The following TLL2 variants were observed in gnomAD, a reference collection of about 807,000 sequenced individuals.
The protein encoded by TLL2 is tolloid like 2, also known as tolloid-like protein 2.
A neutral mutation model predicts 123.0 loss-of-function variants in TLL2; 106 were observed. The observed-to-expected ratio is 0.86, with a 90% CI of 0.74 to 1.01. The LOEUF (loss-of-function observed/expected upper bound fraction) is 1.01, where lower values mean the gene tolerates loss of function less well. Among genes scored for constraint, TLL2 ranks in the 50% least tolerant of loss-of-function variants. TLL2 has a pLI of 0.00. For missense variants in TLL2, 1,332 were observed against 1,336.7 expected (o/e 1.00, Z 0.06); for synonymous variants, 494 against 516.8 (o/e 0.96, Z 0.60).
At position 96,441,865 on chromosome 10, in the gene TLL2, C is replaced by T. The variant is rs886113309; in HGVS notation, c.364+4226G>A. On this transcript the variant is annotated intron_variant, in intron 3 of 20. Transcript: ENST00000357947. ...TAAGTGATGTTAGGAATTCCAGCGT[C>T]GAGTGCTGTTTTGCACCCAAGTTTG... 5.3e-5 allele frequency among the ~76,000 whole-genome samples: 8 copies of T among 152,334 alleles called. No homozygotes were observed. The South Asian group carries it at 1.7e-3, about 32-fold the overall frequency.
chr10:96,387,300 G>T (rs1460151651), intron 13 of TLL2, among the ~76,000 whole-genome samples: 1 of 152,192 alleles, frequency 6.6e-6, no homozygotes, highest in Non-Finnish European at 1.5e-5. Context: ...TTGTTAGCTG[G>T]GGTAGGCTCT....
Position 96,409,254 on chromosome 10 carries a change from C to T in TLL2, c.1164+1105G>A, listed in dbSNP as rs545736948. Among the ~76,000 whole-genome samples, 5 of 152,286 alleles carry T rather than the reference C, an allele frequency of 3.3e-5. No homozygotes were observed. In the South Asian group the frequency reaches 6.2e-4, roughly 19 times the overall value. ...CCACAGACTGTGTGGAGTGCTGGGGCCCTGGGGCTGAATGATCTCCAACCT... is the reference window on the plus strand; with the variant it reads ...CCACAGACTGTGTGGAGTGCTGGGGTCCTGGGGCTGAATGATCTCCAACCT... On this transcript the variant is annotated intron_variant, in intron 9 of 20. Coordinates refer to ENST00000357947, the MANE Select transcript of TLL2 (RefSeq NM_012465.4).
chr10:96,452,693 G>A (rs1163772942), intron 2 of TLL2, among the ~76,000 whole-genome samples: 1 of 152,216 alleles, frequency 6.6e-6, no homozygotes. Flanking sequence ...TGCTCACAAA[G>A]CCTGCCCTCT....
chr10:96,427,564 T>G (rs1304299908), intron 5 of TLL2, among the ~76,000 whole-genome samples: 1 of 152,218 alleles, frequency 6.6e-6, no homozygotes, highest in South Asian at 2.1e-4. Flanking sequence ...ATACCCTTTC[T>G]CATTATAAAG....
intron 2 of TLL2, among the ~76,000 whole-genome samples, chr10:96,453,694 T>C (rs1268032779): frequency 1.3e-5 from 2 of 152,198 alleles, no homozygotes; most frequent in African/African-American, 4.8e-5. Context: ...AGTGCTCGGA[T>C]TATAAGTCAA....
intron 16 of TLL2, among the ~76,000 whole-genome samples, chr10:96,380,891 CG>C (rs1289428009): frequency 1.4e-5 from 2 of 144,554 alleles, no homozygotes; most frequent in Non-Finnish European, 3.0e-5. Context: ...GCAGGAGAAT[CG>C]CTTGAAGCCA....
intron 3 of TLL2, among the ~76,000 whole-genome samples, chr10:96,440,271 T>C (rs1376268959): frequency 6.6e-6 from 1 of 152,236 alleles, no homozygotes; most frequent in Non-Finnish European, 1.5e-5. Context: ...CACTTTATTC[T>C]CCACACCCTG....
intron 1 of TLL2, among the ~76,000 whole-genome samples, chr10:96,490,001 C>T (rs1177586303): frequency 6.6e-6 from 1 of 151,978 alleles, no homozygotes; most frequent in African/African-American, 2.4e-5. Context: ...GAGGCTGAGG[C>T]AGGAGAATCA....
chr10:96,403,916 G>C (rs1438343474), intron 10 of TLL2, among the ~76,000 whole-genome samples: 2 of 151,106 alleles, frequency 1.3e-5, no homozygotes, highest in African/African-American at 4.9e-5. Context: ...AGATATTTGG[G>C]TGGAGAGAAA....
At chr10:96,506,263 A>AAAAAAC (rs1847577764) in intron 1 of TLL2, among the ~76,000 whole-genome samples, 1 of 114,508 alleles carries the variant, frequency 8.7e-6, no homozygotes. Flanking sequence ...AAAAAAAAAA[A>AAAAAAC]AAGAAAAAAA....
At position 96,390,201 on chromosome 10, in the gene TLL2, G is replaced by A. The variant is rs527331810; in HGVS notation, c.1727-3123C>T. Among the ~76,000 whole-genome samples, 4 of 152,360 alleles carry A rather than the reference G, an allele frequency of 2.6e-5. No homozygotes were observed. The South Asian group carries it at 8.3e-4, about 32-fold the overall frequency. ...GTTAGATGATGAGACGGCTCAGGCA[G>A]GATCCCAAAAATTGTTCAGAGAAAG... is the stretch of plus-strand genomic sequence containing the variant. On this transcript the variant is annotated intron_variant, in intron 13 of 20. Coordinates refer to ENST00000357947, the MANE Select transcript of TLL2 (RefSeq NM_012465.4).
At position 96,405,323 on chromosome 10, in the gene TLL2, G is replaced by A. The variant is rs760138059; in HGVS notation, c.1176C>T (p.Asn392=). The part of the protein sequence containing the change: ...SVTPGEKIVL[N]FTSMDLFKSR... ...TTTTAAACAAATCCATGGATGTGAA[G>A]TTTAATACGATCTGTAAAGAATTAC... Residue 392 remains asparagine, a synonymous_variant, in exon 10 of 21, where the codon AAC becomes AAT. Coordinates refer to ENST00000357947, the MANE Select transcript of TLL2 (RefSeq NM_012465.4). The A allele has an allele frequency of 2.5e-6, 4 of 1,614,136 alleles. No homozygotes were observed. In the South Asian group the frequency reaches 3.3e-5, roughly 13 times the overall value.
At chr10:96,435,649 T>C (rs1846789096) in intron 3 of TLL2, among the ~76,000 whole-genome samples, 1 of 152,196 alleles carries the variant, frequency 6.6e-6, no homozygotes, top group African/African-American at 2.4e-5. Context: ...TGGTGTGAGG[T>C]AGGGCTCCAA....
chr10:96,382,231 A>C (rs1021634210), intron 16 of TLL2, among the ~76,000 whole-genome samples: 1 of 152,176 alleles, frequency 6.6e-6, no homozygotes. Context: ...GGGTTTCACC[A>C]CGTTGGGCAG....
chr10:96,391,112 C>T (rs899664926), intron 13 of TLL2, among the ~76,000 whole-genome samples: 7 of 152,134 alleles, frequency 4.6e-5, no homozygotes, highest in African/African-American at 1.2e-4. Flanking sequence ...AGGCTGTGGT[C>T]GCTCACCCAC....
intron 1 of TLL2, among the ~76,000 whole-genome samples, chr10:96,504,584 A>C (rs1262461004): frequency 3.2e-5 from 4 of 124,504 alleles, no homozygotes. Flanking sequence ...CACACACACA[A>C]AAAGTCTCTG....
Position 96,413,301 on chromosome 10 carries a change from G to T in TLL2, c.939C>A (p.Asp313Glu). 6.2e-7 allele frequency: 1 copy of T among 1,613,860 alleles called. No individual in the cohort carries two copies. Among genetic ancestry groups the T allele is most frequent in the Non-Finnish European group, 8.5e-7 (1 of 1,179,772 alleles). Residue 313 changes from aspartate (D) to glutamate (E), a missense_variant, in exon 8 of 21, where the codon GAC becomes GAA. Coordinates refer to ENST00000357947, the MANE Select transcript of TLL2 (RefSeq NM_012465.4). ...RNTFSRGVFL[D>E]TILPRQDDNG... is the part of the protein sequence containing the mutation. ...TGTCATCTTGACGGGGAAGGATGGT[G>T]TCTAAGAAAACTCCTCTACAGGAAG... is the stretch of plus-strand genomic sequence containing the variant.
intron 3 of TLL2, among the ~76,000 whole-genome samples, chr10:96,445,568 T>G (rs545258941): frequency 6.6e-6 from 1 of 152,302 alleles, no homozygotes; most frequent in Non-Finnish European, 1.5e-5. Context: ...TTTATTTTTC[T>G]TCTTTGCCTC....
intron 3 of TLL2, 32 bp from the exon 4 acceptor site, chr10:96,432,994 C>T (rs776271862): frequency 1.9e-6 from 3 of 1,596,010 alleles, no homozygotes; most frequent in East Asian, 4.5e-5. Flanking sequence ...ATTGATTTTG[C>T]CCTTTGGTTC....
Sources: allele counts gnomAD v4.1 joint callset (sites outside exome capture counted in the v4.1 genomes callset), GRCh38; gene constraint gnomAD v4.1.1; transcripts MANE v1.5; gene names NCBI Gene and HGNC (gene_info 2026-07-23, HGNC 2026-07-21).